Variants in GABRA1 observed in about 807,000 individuals in gnomAD.
GABRA1 encodes gamma-aminobutyric acid receptor subunit alpha-1.
A neutral mutation model predicts 48.9 loss-of-function variants in GABRA1; 9 were observed. The observed-to-expected ratio is 0.18, with a 90% CI of 0.11 to 0.32. The LOEUF is 0.32. GABRA1 is among the 10% of genes least tolerant of loss of function. The pLI is 1.00. For missense variants in GABRA1, 285 were observed against 553.8 expected (o/e 0.51, Z 4.87); for synonymous variants, 210 against 198.7 (o/e 1.06, Z -0.48).
intron 3 of GABRA1, among the ~76,000 whole-genome samples, chr5:161,858,123 A>C (rs1422880440): frequency 1.3e-5 from 2 of 151,498 alleles, no homozygotes; most frequent in Non-Finnish European, 3.0e-5. Flanking sequence ...GCCTGGGGAG[A>C]CTCAAGTGTC....
intron 5 of GABRA1, 129 bp from the exon 6 acceptor site, chr5:161,875,431 G>T: frequency 1.3e-6 from 1 of 752,124 alleles, no homozygotes; most frequent in Admixed American, 1.9e-5. Context: ...ATTATTAACA[G>T]CTCAGCATAA....
chr5:161,855,187 A>C (rs1316681697), intron 3 of GABRA1, among the ~76,000 whole-genome samples: 1 of 151,664 alleles, frequency 6.6e-6, no homozygotes, highest in Non-Finnish European at 1.5e-5. Context: ...ATATTAAGAC[A>C]GCCACTTCTT....
intron 3 of GABRA1, among the ~76,000 whole-genome samples, chr5:161,863,295 C>T (rs770418588): frequency 1.1e-4 from 16 of 151,770 alleles, no homozygotes; most frequent in African/African-American, 1.9e-4. Context: ...ATAACTGAGA[C>T]GGGTAATTTA....
At chr5:161,866,631 G>A (rs1753869605) in intron 4 of GABRA1, among the ~76,000 whole-genome samples, 1 of 152,100 alleles carries the variant, frequency 6.6e-6, no homozygotes, top group African/African-American at 2.4e-5. Context: ...CAGAAACTAT[G>A]AATGGCAGAG....
intron 9 of GABRA1, among the ~76,000 whole-genome samples, chr5:161,896,312 G>T (rs1355633126): frequency 6.6e-6 from 1 of 152,120 alleles, no homozygotes; most frequent in East Asian, 1.9e-4. Context: ...ATTAAATTAA[G>T]TTTGCCACAT....
At chr5:161,870,237 T>C (rs1416542245) in intron 4 of GABRA1, among the ~76,000 whole-genome samples, 1 of 152,148 alleles carries the variant, frequency 6.6e-6, no homozygotes, top group Non-Finnish European at 1.5e-5. Context: ...ATAGTTCTGC[T>C]GCTCGCCTCT....
intron 5 of GABRA1, among the ~76,000 whole-genome samples, chr5:161,875,201 C>G (rs1253961358): frequency 6.6e-6 from 1 of 152,206 alleles, no homozygotes; most frequent in East Asian, 1.9e-4. Context: ...TCCTCTCAAG[C>G]AAGGATAAAG....
chr5:161,850,720 G>T, intron 1 of GABRA1, 76 bp from the exon 2 acceptor site: 1 of 1,183,964 alleles, frequency 8.4e-7, no homozygotes, highest in Non-Finnish European at 1.3e-6. Flanking sequence ...CATCTAAACT[G>T]CCTCAGTCAG....
chr5:161,871,720 T>C lies in GABRA1; in HGVS notation c.256-1397T>C, dbSNP rs1445488662. 3.3e-5 allele frequency among the ~76,000 whole-genome samples: 5 copies of C among 152,196 alleles called. No homozygotes were observed. The East Asian group carries it at 7.7e-4, about 23-fold the overall frequency. On this transcript the variant is annotated intron_variant, in intron 4 of 9. Transcript: ENST00000393943. ...CTTTATGTATCTATCACAGTGCCTT[T>C]CATCTGACACTTCCAGACACAAAAT...
At chr5:161,862,353 A>G (rs1757895929) in intron 3 of GABRA1, among the ~76,000 whole-genome samples, 1 of 151,774 alleles carries the variant, frequency 6.6e-6, no homozygotes, top group African/African-American at 2.4e-5. Flanking sequence ...AACATAACAC[A>G]TTTAACACAT....
In GABRA1 at chr5:161,898,963, CT is replaced by C. The variant is rs1430139086; in HGVS notation, c.*1543del. 6.6e-6 allele frequency: 1 copy of C among 152,524 alleles called. No individual in the cohort carries two copies. Among genetic ancestry groups the C allele is most frequent in the Non-Finnish European group, 1.5e-5 (1 of 67,984 alleles). 9.4% of individuals were successfully genotyped at this position (152,524 alleles called of 1,614,324 possible). ...TTTAAATAAAAGAGGTCCATTAATA[CT>C]TCCTTATAAAAATTCTAGTCTGTTT... On this transcript the variant is annotated 3_prime_UTR_variant, in exon 10 of 10. Coordinates refer to ENST00000393943, the MANE Select transcript of GABRA1 (RefSeq NM_001127644.2).
At chr5:161,870,582 G>C (rs866478810) in intron 4 of GABRA1, among the ~76,000 whole-genome samples, 2 of 139,168 alleles carry the variant, frequency 1.4e-5, no homozygotes, top group South Asian at 2.3e-4. Context: ...AAAAAAAAAA[G>C]GAAAAAGAAA....
At chr5:161,890,030 A>G (rs1298246588) in intron 7 of GABRA1, among the ~76,000 whole-genome samples, 1 of 152,046 alleles carries the variant, frequency 6.6e-6, no homozygotes, top group Non-Finnish European at 1.5e-5. Flanking sequence ...AATAAGGCTA[A>G]ACAATCCTAA....
chr5:161,870,583 G>GA (rs1225027491), intron 4 of GABRA1, among the ~76,000 whole-genome samples: 1 of 142,874 alleles, frequency 7.0e-6, no homozygotes, highest in Non-Finnish European at 1.5e-5. Flanking sequence ...AAAAAAAAAG[G>GA]AAAAAGAAAA....
At position 161,854,237 on chromosome 5, in the gene GABRA1, G is replaced by T; in HGVS notation, c.154G>T (p.Gly52Cys). 2 of 1,605,274 alleles carry T rather than the reference G, an allele frequency of 1.2e-6. No homozygotes were observed. The highest frequency in any genetic ancestry group is 1.7e-6 in the Non-Finnish European group (2 of 1,172,306). Residue 52 changes from glycine to cysteine, a missense_variant, in exon 3 of 10, where the codon GGT becomes TGT. By Grantham distance (159) the Gly-to-Cys change is radical. This residue lies in a region of GABRA1 where 105 missense variants were observed against 267.4 expected (regional missense o/e 0.39). Transcript: ENST00000393943. ...CAGGATTTTGGACAGACTCCTAGAT[G>T]GTTATGACAATCGCCTGAGACCAGG... ...FTRILDRLLD[G>C]YDNRLRPGLG...
At chr5:161,849,498 A>T (rs2113287247) in intron 1 of GABRA1, among the ~76,000 whole-genome samples, 1 of 152,348 alleles carries the variant, frequency 6.6e-6, no homozygotes, top group South Asian at 2.1e-4. Context: ...CAGAGTTCTT[A>T]TCTCTAGACC....
intron 8 of GABRA1, among the ~76,000 whole-genome samples, chr5:161,891,818 C>A (rs1309995516): frequency 6.6e-6 from 1 of 152,090 alleles, no homozygotes. Context: ...GTGAACTGAA[C>A]ACAAATCACC....
chr5:161,858,526 T>G (rs935512921), intron 3 of GABRA1, among the ~76,000 whole-genome samples: 7 of 151,744 alleles, frequency 4.6e-5, no homozygotes, highest in Admixed American at 3.3e-4. Flanking sequence ...AAATCCCAGG[T>G]GAGCCACACT....
chr5:161,889,808 G>A (rs1375992099), intron 7 of GABRA1, among the ~76,000 whole-genome samples: 1 of 151,962 alleles, frequency 6.6e-6, no homozygotes, highest in Non-Finnish European at 1.5e-5. Context: ...ATATAGGACA[G>A]CCACCTTCAA....
Sources: gnomAD v4.1 joint callset for allele counts (sites outside exome capture counted in the v4.1 genomes callset) on GRCh38, gnomAD v4.1.1 for gene constraint, gnomAD v4.1.1 regional missense constraint, MANE v1.5 for transcripts, NCBI Gene and HGNC (gene_info 2026-07-23, HGNC 2026-07-21) for gene names.